The following GRIN2B variants were observed in gnomAD, a reference collection of about 807,000 sequenced individuals.
GRIN2B encodes glutamate ionotropic receptor NMDA type subunit 2B.
In GRIN2B, 5 loss-of-function variants were observed where a neutral mutation model predicts 114.5. The observed-to-expected ratio is 0.04, with a 90% CI of 0.02 to 0.09. The LOEUF (loss-of-function observed/expected upper bound fraction) is 0.09. Ranked by LOEUF, GRIN2B falls within the 10% of genes least tolerant of loss-of-function variation. GRIN2B has a pLI of 1.00. For missense variants in GRIN2B, 1,108 were observed against 1,943.5 expected (o/e 0.57, Z 8.08); for synonymous variants, 787 against 745.1 (o/e 1.06, Z -0.92).
intron 4 of GRIN2B, among the ~76,000 whole-genome samples, chr12:13,678,615 C>T (rs1272063325): frequency 2.0e-5 from 3 of 152,066 alleles, no homozygotes; most frequent in Non-Finnish European, 4.4e-5. Context: ...CATGTAGCAT[C>T]CCCAACACAA....
chr12:13,809,747 A>G (rs1436757073), intron 3 of GRIN2B, among the ~76,000 whole-genome samples: 4 of 152,242 alleles, frequency 2.6e-5, no homozygotes, highest in Non-Finnish European at 5.9e-5. Context: ...TACTGAATAA[A>G]TGGATAAACC....
chr12:13,962,188 T>G (rs992878243), intron 2 of GRIN2B, among the ~76,000 whole-genome samples: 9 of 151,884 alleles, frequency 5.9e-5, no homozygotes, highest in Non-Finnish European at 1.3e-4. Flanking sequence ...CAGCTGCTTC[T>G]TCTTCCAGCT....
At chr12:13,640,992 A>C (rs1949709393) in intron 5 of GRIN2B, among the ~76,000 whole-genome samples, 1 of 152,136 alleles carries the variant, frequency 6.6e-6, no homozygotes, top group Admixed American at 6.5e-5. Context: ...TTCCATAAAA[A>C]CTTCGGAACC....
intron 3 of GRIN2B, among the ~76,000 whole-genome samples, chr12:13,830,202 A>C (rs535208213): frequency 6.6e-6 from 1 of 152,360 alleles, no homozygotes; most frequent in East Asian, 1.9e-4. Context: ...AAAGCAGGGC[A>C]CAGTTAGTAA....
chr12:13,799,475 T>C (rs1168655748), intron 3 of GRIN2B, among the ~76,000 whole-genome samples: 1 of 152,152 alleles, frequency 6.6e-6, no homozygotes, highest in East Asian at 1.9e-4. Flanking sequence ...GACCAAATAC[T>C]TTCATATCAC....
At position 13,719,419 on chromosome 12, in the gene GRIN2B, T is replaced by TAAA. The variant is rs3831781; in HGVS notation, c.1010+33895_1010+33897dup. 9.6e-4 allele frequency among the ~76,000 whole-genome samples: 145 copies of TAAA among 150,994 alleles called. 1 individual carries two copies. Among genetic ancestry groups the TAAA allele is most frequent in the African/African-American group, 3.4e-3 (140 of 41,244 alleles). On this transcript the variant is annotated intron_variant, in intron 4 of 13. Coordinates refer to ENST00000609686, the MANE Select transcript of GRIN2B (RefSeq NM_000834.5). ...TTGTAAACTCTAAAGTAGGATCACT[T>TAAA]AAAAAAAAAGTCTAAAGTCTCCAAT...
rs1056501629 is a variant in GRIN2B, at chr12:13,549,470, G to A, written c.*13313C>T. On this transcript the variant is annotated 3_prime_UTR_variant, in exon 14 of 14. Transcript: ENST00000609686. ...ATCCTAGAATCAGGCTTGTATGTTT[G>A]AACTTAATTAGACAGAGGTGCCCAG... is the stretch of plus-strand genomic sequence containing the variant. 2.6e-5 allele frequency: 4 copies of A among 152,220 alleles called. No homozygotes were observed. The highest frequency in any genetic ancestry group is 9.6e-5 in the African/African-American group (4 of 41,528). 9.4% of individuals were successfully genotyped at this position (152,220 alleles called of 1,614,324 possible).
chr12:13,795,008 A>G (rs374709686), intron 3 of GRIN2B, among the ~76,000 whole-genome samples: 2 of 152,238 alleles, frequency 1.3e-5, no homozygotes, highest in African/African-American at 4.8e-5. Context: ...CCAGAGCCCT[A>G]TGATTCTTTG....
intron 4 of GRIN2B, among the ~76,000 whole-genome samples, chr12:13,729,377 C>T (rs1485697415): frequency 6.6e-6 from 1 of 152,144 alleles, no homozygotes; most frequent in Non-Finnish European, 1.5e-5. Flanking sequence ...TCCTATCTTC[C>T]TTCTGTCTCT....
chr12:13,823,916 T>G (rs1365611576), intron 3 of GRIN2B, among the ~76,000 whole-genome samples: 2 of 152,154 alleles, frequency 1.3e-5, no homozygotes, highest in Non-Finnish European at 2.9e-5. Context: ...CATATATATT[T>G]TTCATATTAA....
intron 3 of GRIN2B, among the ~76,000 whole-genome samples, chr12:13,850,275 T>C (rs567344731): frequency 6.6e-6 from 1 of 152,298 alleles, no homozygotes; most frequent in African/African-American, 2.4e-5. Flanking sequence ...TCCTAGACCT[T>C]AGACTGATGT....
chr12:13,961,786 C>A (rs1867696658), intron 2 of GRIN2B, among the ~76,000 whole-genome samples: 1 of 152,210 alleles, frequency 6.6e-6, no homozygotes, highest in African/African-American at 2.4e-5. Flanking sequence ...GAATGGCAGA[C>A]AAGAATCACT....
At chr12:13,709,568 G>GTAATAGAGGAAA (rs1950395599) in intron 4 of GRIN2B, among the ~76,000 whole-genome samples, 1 of 152,010 alleles carries the variant, frequency 6.6e-6, no homozygotes, top group Non-Finnish European at 1.5e-5. Flanking sequence ...TGACCAAAAT[G>GTAATAGAGGAAA]TTAGTAATAG....
chr12:13,592,036 C>T (rs976321216), intron 10 of GRIN2B, among the ~76,000 whole-genome samples: 1 of 152,182 alleles, frequency 6.6e-6, no homozygotes, highest in Admixed American at 6.5e-5. Context: ...GTCTCAGGAG[C>T]TGGAAAGACA....
At chr12:13,953,130 C>T (rs1055001262) in intron 2 of GRIN2B, among the ~76,000 whole-genome samples, 1 of 152,118 alleles carries the variant, frequency 6.6e-6, no homozygotes, top group Admixed American at 6.5e-5. Context: ...GCCAGGACCA[C>T]TGACCAGAGT....
intron 11 of GRIN2B, among the ~76,000 whole-genome samples, chr12:13,570,226 T>C (rs1948688908): frequency 6.6e-6 from 1 of 152,198 alleles, no homozygotes; most frequent in Non-Finnish European, 1.5e-5. Flanking sequence ...AGTTCTTTTC[T>C]TCCCACTGGG....
At chr12:13,576,553 C>CTT (rs200101766) in intron 10 of GRIN2B, among the ~76,000 whole-genome samples, 4 of 135,360 alleles carry the variant, frequency 3.0e-5, no homozygotes, top group African/African-American at 5.5e-5. Context: ...TTTCTTTTTT[C>CTT]TTTTTTTTTT....
intron 10 of GRIN2B, among the ~76,000 whole-genome samples, chr12:13,575,155 TACA>T (rs1214475359): frequency 1.3e-5 from 2 of 152,170 alleles, no homozygotes; most frequent in African/African-American, 4.8e-5. Context: ...ATTTCTTAGC[TACA>T]ACACCAAAAG....
At chr12:13,954,998 A>C (rs1352508393) in intron 2 of GRIN2B, among the ~76,000 whole-genome samples, 1 of 152,004 alleles carries the variant, frequency 6.6e-6, no homozygotes, top group African/African-American at 2.4e-5. Flanking sequence ...GGACAAAGTC[A>C]TGTGGTTGCC....
Sources: allele counts gnomAD v4.1 joint callset (sites outside exome capture counted in the v4.1 genomes callset), GRCh38; gene constraint gnomAD v4.1.1; transcripts MANE v1.5; gene names NCBI Gene and HGNC (gene_info 2026-07-23, HGNC 2026-07-21).